Variants in STAC observed in about 807,000 individuals in gnomAD.
STAC encodes the protein SH3 and cysteine rich domain, also known as SH3 and cysteine-rich domain-containing protein.
STAC carries 43 observed loss-of-function variants against 48.8 expected under a neutral mutation model. That is an observed-to-expected ratio of 0.88 (90% CI 0.69 to 1.14). The LOEUF (loss-of-function observed/expected upper bound fraction) is 1.14, where lower values mean the gene tolerates loss of function less well. Among genes scored for constraint, STAC ranks in the 50% most tolerant of loss-of-function variants. STAC has a pLI of 0.00. For missense variants in STAC, 497 were observed against 504.0 expected (o/e 0.99, Z 0.13); for synonymous variants, 193 against 179.5 (o/e 1.07, Z -0.60).
At chr3:36,484,589 G>A (rs1334086364) in intron 3 of STAC, among the ~76,000 whole-genome samples, 1 of 152,150 alleles carries the variant, frequency 6.6e-6, no homozygotes, top group Non-Finnish European at 1.5e-5. Flanking sequence ...CCATGCCCAG[G>A]CCTTTTATTT....
intron 1 of STAC, among the ~76,000 whole-genome samples, chr3:36,389,082 A>G (rs1459837417): frequency 6.6e-6 from 1 of 152,200 alleles, no homozygotes; most frequent in Non-Finnish European, 1.5e-5. Flanking sequence ...AAAACATAGT[A>G]TATCTGTAGT....
chr3:36,529,151 T>G (rs960855599), intron 10 of STAC, 166 bp downstream of exon 10: 2 of 715,498 alleles, frequency 2.8e-6, no homozygotes, highest in African/African-American at 3.6e-5. Flanking sequence ...GAGCTAAACA[T>G]GCAAACTAAA....
chr3:36,478,101 C>T (rs1006577773), intron 2 of STAC, among the ~76,000 whole-genome samples: 5 of 152,208 alleles, frequency 3.3e-5, no homozygotes, highest in Admixed American at 3.3e-4. Context: ...GCTTCTGCTG[C>T]TGTTTATTGA....
intron 10 of STAC, among the ~76,000 whole-genome samples, chr3:36,545,053 C>G (rs1575276553): frequency 6.6e-6 from 1 of 152,298 alleles, no homozygotes; most frequent in East Asian, 1.9e-4. Context: ...CTGTTGGAGC[C>G]TTGCTCAGAT....
chr3:36,521,643 A>G (rs1698809822), intron 8 of STAC, among the ~76,000 whole-genome samples: 1 of 152,206 alleles, frequency 6.6e-6, no homozygotes, highest in East Asian at 1.9e-4. Flanking sequence ...AGTCAAGGCT[A>G]TTTCATTAAC....
chr3:36,434,494 A>G (rs1028643489), intron 1 of STAC, among the ~76,000 whole-genome samples: 22 of 152,250 alleles, frequency 1.4e-4, no homozygotes, highest in African/African-American at 5.3e-4. Context: ...TTCAACTCAG[A>G]AGTAAAAGCC....
intron 10 of STAC, among the ~76,000 whole-genome samples, chr3:36,542,345 T>C (rs1699348820): frequency 6.6e-6 from 1 of 152,176 alleles, no homozygotes; most frequent in East Asian, 1.9e-4. Context: ...TTCTAGTCCA[T>C]GAGACAGATC....
intron 1 of STAC, among the ~76,000 whole-genome samples, chr3:36,418,980 G>A (rs953793452): frequency 7.3e-5 from 11 of 150,778 alleles, no homozygotes; most frequent in African/African-American, 2.7e-4. Context: ...CTGAGAGGCG[G>A]AGGTTGCAGT....
intron 8 of STAC, among the ~76,000 whole-genome samples, chr3:36,509,005 A>G (rs1170342023): frequency 7.2e-5 from 11 of 152,040 alleles, no homozygotes; most frequent in Non-Finnish European, 2.9e-5. Flanking sequence ...CAGTTTCTTC[A>G]TGGTGTCAAT....
At chr3:36,461,779 C>G (rs1410816953) in intron 2 of STAC, among the ~76,000 whole-genome samples, 2 of 152,108 alleles carry the variant, frequency 1.3e-5, no homozygotes, top group African/African-American at 4.8e-5. Context: ...GCAGAGCATA[C>G]TTGGTGTCTT....
chr3:36,452,574 C>A (rs1202854964), intron 2 of STAC, among the ~76,000 whole-genome samples: 1 of 152,146 alleles, frequency 6.6e-6, no homozygotes, highest in African/African-American at 2.4e-5. Flanking sequence ...AGTGTTCAAC[C>A]AGCAAGAAAT....
chr3:36,463,760 C>T lies in STAC; in HGVS notation c.389-19232C>T, dbSNP rs201718381. Among the ~76,000 whole-genome samples the T allele has an allele frequency of 5.9e-4, 87 of 147,832 alleles. 1 individual carries two copies. The East Asian group carries it at 0.01, about 18-fold the overall frequency. ...ATTCCCACCTATGAGTGAGAACATG[C>T]GGTGTTTGGTTTTTTGTCCTTGCGA... is the stretch of plus-strand genomic sequence containing the variant. On this transcript the variant is annotated intron_variant, in intron 2 of 10. Coordinates refer to ENST00000273183, the MANE Select transcript of STAC (RefSeq NM_003149.3).
chr3:36,509,065 T>C (rs773561484), intron 8 of STAC, among the ~76,000 whole-genome samples: 14 of 152,228 alleles, frequency 9.2e-5, no homozygotes, highest in African/African-American at 1.2e-4. Context: ...CAGTTGTTCC[T>C]TTCCATATTT....
chr3:36,453,238 T>C (rs1696737815), intron 2 of STAC, among the ~76,000 whole-genome samples: 1 of 152,256 alleles, frequency 6.6e-6, no homozygotes, highest in African/African-American at 2.4e-5. Context: ...GGCTCCTACT[T>C]TGGCGGCACT....
At chr3:36,423,671 A>T (rs1027852551) in intron 1 of STAC, among the ~76,000 whole-genome samples, 2 of 152,004 alleles carry the variant, frequency 1.3e-5, no homozygotes, top group African/African-American at 4.8e-5. Context: ...CTTTTCGATA[A>T]GTTTCTTTTT....
At chr3:36,504,992 T>C (rs1698367528) in intron 7 of STAC, among the ~76,000 whole-genome samples, 2 of 152,140 alleles carry the variant, frequency 1.3e-5, no homozygotes, top group Admixed American at 1.3e-4. Flanking sequence ...TAAATGTTTT[T>C]ATAGCATTAA....
At chr3:36,543,637 C>A (rs1479958066) in intron 10 of STAC, among the ~76,000 whole-genome samples, 1 of 152,160 alleles carries the variant, frequency 6.6e-6, no homozygotes, top group Non-Finnish European at 1.5e-5. Context: ...TATATATAGG[C>A]ACATATTTGA....
intron 1 of STAC, among the ~76,000 whole-genome samples, chr3:36,388,658 G>A (rs1223446264): frequency 6.6e-6 from 1 of 151,868 alleles, no homozygotes; most frequent in Non-Finnish European, 1.5e-5. Flanking sequence ...ATATCATTAT[G>A]TAGTATGAAG....
intron 6 of STAC, among the ~76,000 whole-genome samples, chr3:36,501,359 A>C (rs1270860241): frequency 6.6e-6 from 1 of 152,146 alleles, no homozygotes; most frequent in African/African-American, 2.4e-5. Context: ...GAAATTATTA[A>C]ATTACAAAGA....
Sources: allele counts gnomAD v4.1 joint callset (sites outside exome capture counted in the v4.1 genomes callset), GRCh38; gene constraint gnomAD v4.1.1; transcripts MANE v1.5; gene names NCBI Gene and HGNC (gene_info 2026-07-23, HGNC 2026-07-21).